LRP5: variants seen among roughly 807,000 people sequenced by gnomAD.
The protein encoded by LRP5 is LDL receptor related protein 5.
LRP5 carries 62 observed loss-of-function variants against 154.1 expected under a neutral mutation model. That is an observed-to-expected ratio of 0.40 (90% CI 0.33 to 0.50). The LOEUF is 0.50. LRP5 is among the 20% of genes least tolerant of loss of function. The probability of loss-of-function intolerance (pLI) is 0.55; values close to 1 mark genes in which losing one functional copy is unlikely to be tolerated. For missense variants in LRP5, 1,915 were observed against 2,336.7 expected (o/e 0.82, Z 3.72); for synonymous variants, 966 against 1,011.5 (o/e 0.96, Z 0.85).
chr11:68,426,285 A>C, intron 16 of LRP5, 98 bp downstream of exon 16: 1 of 1,055,772 alleles, frequency 9.5e-7, no homozygotes. Flanking sequence ...GGCCTCAGCC[A>C]GGCGGTGGTC....
rs778202459 is a variant in LRP5, at chr11:68,439,915, C to T, written c.4487C>T (p.Pro1496Leu). 15 of 875,018 alleles carry T rather than the reference C, an allele frequency of 1.7e-5. No individual in the cohort carries two copies. Among genetic ancestry groups the T allele is most frequent in the East Asian group, 6.0e-5 (1 of 16,782 alleles). 54.2% of individuals were successfully genotyped at this position (875,018 alleles called of 1,614,324 possible). ...SSSTKATLYPPILNPPPSPAT... is the reference protein window; with the variant it reads ...SSSTKATLYPLILNPPPSPAT... Reference sequence around the variant, plus strand: ...AGCACGAAGGCCACGCTGTACCCGCCGGTGAGGGGCGGGGCCGGGGAGGGG... The same window carrying T: ...AGCACGAAGGCCACGCTGTACCCGCTGGTGAGGGGCGGGGCCGGGGAGGGG... The change falls in exon 21 of 23, where the codon CCG becomes CTG. Residue 1496 changes from proline (P) to leucine (L), a missense_variant and splice_region_variant. Physicochemically the swap from Pro to Leu is moderately conservative, Grantham distance 98. This residue lies in a region of LRP5 where 1,094 missense variants were observed against 1,210.1 expected (regional missense o/e 0.90). Transcript: ENST00000294304.
intron 1 of LRP5, among the ~76,000 whole-genome samples, chr11:68,347,376 T>A (rs1250996596): frequency 2.0e-5 from 3 of 152,224 alleles, no homozygotes; most frequent in South Asian, 2.1e-4. Context: ...GCCTGGGCTC[T>A]GAACCCCTCA....
intron 5 of LRP5, among the ~76,000 whole-genome samples, chr11:68,383,167 C>T (rs1246514644): frequency 4.6e-5 from 7 of 152,164 alleles, no homozygotes; most frequent in African/African-American, 9.7e-5. Context: ...CATGAGCCAC[C>T]GCGCCCGGCC....
At chr11:68,414,059 G>T (rs1361421348) in intron 12 of LRP5, 47 bp downstream of exon 12, 1 of 1,554,976 alleles carries the variant, frequency 6.4e-7, no homozygotes, top group Non-Finnish European at 8.7e-7. Context: ...GTTAGATCAG[G>T]CTGGTTCTGG....
intron 16 of LRP5, among the ~76,000 whole-genome samples, chr11:68,428,169 A>G (rs888806699): frequency 5.3e-5 from 8 of 151,340 alleles, no homozygotes; most frequent in Non-Finnish European, 2.9e-5. Flanking sequence ...ATTTTTTTGT[A>G]TTTTTAGTAG....
At position 68,443,180 on chromosome 11, in the gene LRP5, T is replaced by C. The variant is rs1232635692; in HGVS notation, c.4489-3256T>C. ...ATCTTCATTTATATTTATTTTATCA[T>C]GAATGATGTAAGCATCATTTTGTGT... On this transcript the variant is annotated intron_variant, in intron 21 of 22. Transcript: ENST00000294304. Among the ~76,000 whole-genome samples the C allele has an allele frequency of 1.3e-5, 2 of 152,060 alleles. 1 individual carries two copies. Among genetic ancestry groups the C allele is most frequent in the Non-Finnish European group, 2.9e-5 (2 of 68,002 alleles).
rs763053032 is a variant in LRP5, at chr11:68,433,567, G to T, written c.3764-35G>T. On this transcript the variant is annotated intron_variant, in intron 17 of 22. Coordinates refer to ENST00000294304, the MANE Select transcript of LRP5 (RefSeq NM_002335.4). ...CATTGCCTGGGTTTTGCTGGGCGGG[G>T]CTGCGTGTGATGTTCTCCTCTGTCC... The T allele has an allele frequency of 2.6e-6, 4 of 1,566,220 alleles. No homozygotes were observed. The Admixed American group carries it at 5.0e-5, about 20-fold the overall frequency.
intron 16 of LRP5, among the ~76,000 whole-genome samples, chr11:68,428,642 C>T (rs1359316028): frequency 6.6e-6 from 1 of 151,448 alleles, no homozygotes; most frequent in Non-Finnish European, 1.5e-5. Flanking sequence ...TTAGGGCCCA[C>T]CCAAATCATC....
At chr11:68,398,267 C>T (rs1015610357) in intron 7 of LRP5, among the ~76,000 whole-genome samples, 7 of 152,156 alleles carry the variant, frequency 4.6e-5, no homozygotes, top group Non-Finnish European at 7.4e-5. Flanking sequence ...GCCTGCAGGA[C>T]GGCAGCAGCC....
intron 2 of LRP5, among the ~76,000 whole-genome samples, chr11:68,351,635 C>T (rs994306138): frequency 1.5e-4 from 23 of 152,226 alleles, no homozygotes; most frequent in Admixed American, 1.5e-3. Flanking sequence ...CACCTCCCAA[C>T]CAGGCATCCA....
At chr11:68,427,838 A>C (rs988788096) in intron 16 of LRP5, among the ~76,000 whole-genome samples, 8 of 152,310 alleles carry the variant, frequency 5.3e-5, no homozygotes, top group African/African-American at 1.9e-4. Flanking sequence ...GGGTGTGGTC[A>C]GCTCTCCCTC....
the LRP5 span, among the ~76,000 whole-genome samples, chr11:68,305,963 G>A: frequency 6.6e-6 from 1 of 152,246 alleles, no homozygotes; most frequent in Non-Finnish European, 1.5e-5. Flanking sequence ...AGGTGGAGGT[G>A]TTGGCAGGGC....
rs763905405 is a variant in LRP5 at position 68,403,452 on chromosome 11, C to T, written c.1585-31C>T. On this transcript the variant is annotated intron_variant, in intron 7 of 22. Transcript: ENST00000294304. ...GGCTCTCGTTGGTGTGGCCCTGGCC[C>T]ATCCAGACCTATATTTCTGCCGTCC... The T allele has an allele frequency of 1.6e-5, 26 of 1,600,450 alleles. No homozygotes were observed. The South Asian group carries it at 2.5e-4, about 16-fold the overall frequency.
In LRP5 at chr11:68,386,192, C is replaced by T. The variant is rs2098642885; in HGVS notation, c.1016-124C>T. ...CTGGGTGCGTGTCACCTAACATCAC[C>T]AGCCTTTGCAAGGAGAGCCCTGGGG... On this transcript the variant is annotated intron_variant, in intron 5 of 22. Coordinates refer to ENST00000294304, the MANE Select transcript of LRP5 (RefSeq NM_002335.4). The surrounding 1 kb of genome is among the most constrained non-coding windows in gnomAD (Gnocchi z 7.9). 5 of 1,209,078 alleles carry T rather than the reference C, an allele frequency of 4.1e-6. No homozygotes were observed. The highest frequency in any genetic ancestry group is 6.0e-6 in the Non-Finnish European group (5 of 835,898). 74.9% of individuals were successfully genotyped at this position (1,209,078 alleles called of 1,614,324 possible). A position where few individuals can be genotyped will look rare whatever the true frequency, so the allele number is the denominator to read the frequency against.
intron 5 of LRP5, among the ~76,000 whole-genome samples, chr11:68,367,001 T>C (rs903136221): frequency 9.7e-4 from 7 of 7,180 alleles, no homozygotes; most frequent in African/African-American, 4.4e-3. Flanking sequence ...GCTCTGGGGC[T>C]GGGTGGGTGG....
chr11:68,414,096 T>C, intron 12 of LRP5, 84 bp downstream of exon 12: 2 of 1,323,430 alleles, frequency 1.5e-6, no homozygotes, highest in Non-Finnish European at 2.1e-6. Flanking sequence ...GAGCTTCTCA[T>C]CTGGGGTTCC....
At position 68,347,702 on chromosome 11, in the gene LRP5, C is replaced by T. The variant is rs571994179; in HGVS notation, c.92-145C>T. The T allele has an allele frequency of 1.0e-4, 105 of 1,000,138 alleles. 1 individual carries two copies. The highest frequency in any genetic ancestry group is 8.5e-4 in the South Asian group (62 of 72,960). The allele number at this position is 1,000,138 out of a possible 1,614,324, so 62.0% of individuals were successfully genotyped here. On this transcript the variant is annotated intron_variant, in intron 1 of 22. Transcript: ENST00000294304. ...GGCTGCCCAGGCAACTTCCTGACAACGCCTTAGGGGTGGGAGGAAGGAACT... is the reference window on the plus strand; with the variant it reads ...GGCTGCCCAGGCAACTTCCTGACAATGCCTTAGGGGTGGGAGGAAGGAACT...
At chr11:68,411,159 T>C (rs1365025592) in intron 10 of LRP5, among the ~76,000 whole-genome samples, 1 of 152,170 alleles carries the variant, frequency 6.6e-6, no homozygotes, top group Non-Finnish European at 1.5e-5. Context: ...ACTCACCCTG[T>C]CTGTGCATCT....
Position 68,353,477 on chromosome 11 carries a change from C to T in LRP5, c.489-4173C>T, listed in dbSNP as rs896001791. On this transcript the variant is annotated intron_variant, in intron 2 of 22. Coordinates refer to ENST00000294304, the MANE Select transcript of LRP5 (RefSeq NM_002335.4). The surrounding 1 kb of genome is among the most constrained non-coding windows in gnomAD (Gnocchi z 4.5). The stretch of plus-strand genomic sequence containing the variant: ...GGGAGAGGATTCCAGCCTGTCACAG[C>T]GCCCGCGGCAGCAACCCCTGCTCGC... Among the ~76,000 whole-genome samples the T allele has an allele frequency of 6.6e-6, 1 of 152,270 alleles. No homozygotes were observed. The highest frequency in any genetic ancestry group is 1.9e-4 in the East Asian group (1 of 5,178).
Sources: allele counts gnomAD v4.1 joint callset (sites outside exome capture counted in the v4.1 genomes callset), GRCh38; gene constraint gnomAD v4.1.1; regional missense constraint gnomAD v4.1.1; non-coding constraint Gnocchi (gnomAD v3.1); transcripts MANE v1.5; gene names NCBI Gene and HGNC (gene_info 2026-07-23, HGNC 2026-07-21).